Variants in QTMAN observed in about 807,000 individuals in gnomAD.
The protein encoded by QTMAN is queuosine-tRNA mannosyltransferase, also known as tRNA-queuosine alpha-mannosyltransferase.
the QTMAN span, among the ~76,000 whole-genome samples, chr2:144,318,490 CT>C: frequency 6.6e-6 from 1 of 152,154 alleles, no homozygotes; most frequent in African/African-American, 2.4e-5. Context: ...GAAAAAACAG[CT>C]TAAAAACCAT....
chr2:144,127,656 C>T, the QTMAN span, among the ~76,000 whole-genome samples: 2 of 151,880 alleles, frequency 1.3e-5, no homozygotes, highest in African/African-American at 4.8e-5. Context: ...TAGGTGTGAC[C>T]TTATACATGG....
At chr2:144,133,214 C>T in the QTMAN span, among the ~76,000 whole-genome samples, 61 of 54,296 alleles carry the variant, frequency 1.1e-3, no homozygotes, top group East Asian at 3.8e-3. Flanking sequence ...TTTATATATA[C>T]ATATATAAAT....
chr2:144,181,346 T>C, the QTMAN span, among the ~76,000 whole-genome samples: 2 of 152,178 alleles, frequency 1.3e-5, no homozygotes, highest in Admixed American at 6.5e-5. Context: ...CATCTAAAAA[T>C]ACAATTTAGT....
the QTMAN span, among the ~76,000 whole-genome samples, chr2:144,263,895 G>A: frequency 2.0e-5 from 3 of 152,030 alleles, no homozygotes; most frequent in Non-Finnish European, 4.4e-5. Flanking sequence ...GCTACCTAGA[G>A]AGAAAAGAGA....
At chr2:144,043,541 G>A in the QTMAN span, among the ~76,000 whole-genome samples, 2 of 151,716 alleles carry the variant, frequency 1.3e-5, no homozygotes, top group Non-Finnish European at 2.9e-5. Flanking sequence ...GGCTGAGGCA[G>A]AGAATTCCTT....
chr2:143,986,034 T>C, the QTMAN span, among the ~76,000 whole-genome samples: 4 of 152,328 alleles, frequency 2.6e-5, no homozygotes, highest in East Asian at 5.8e-4. Flanking sequence ...TGTTTTCATC[T>C]GCTAATTGGG....
chr2:144,050,911 G>T, the QTMAN span, among the ~76,000 whole-genome samples: 4 of 151,980 alleles, frequency 2.6e-5, no homozygotes, highest in South Asian at 2.1e-4. Flanking sequence ...GAATATTTTT[G>T]ATCTGTAGTT....
the QTMAN span, among the ~76,000 whole-genome samples, chr2:144,175,733 C>T: frequency 6.6e-6 from 1 of 152,042 alleles, no homozygotes; most frequent in Admixed American, 6.6e-5. Flanking sequence ...GCAGTGATCT[C>T]GGCTCACTGC....
chr2:144,252,375 T>C, the QTMAN span, among the ~76,000 whole-genome samples: 49 of 152,214 alleles, frequency 3.2e-4, no homozygotes, highest in Admixed American at 1.6e-3. Context: ...CAAGACCCTG[T>C]GTCTTTTAAA....
chr2:144,109,867 T>C, the QTMAN span, among the ~76,000 whole-genome samples: 6 of 152,108 alleles, frequency 3.9e-5, no homozygotes, highest in East Asian at 1.9e-4. Flanking sequence ...GTTAGAATGG[T>C]GATCATTAAA....
At chr2:144,077,802 T>C in the QTMAN span, among the ~76,000 whole-genome samples, 12 of 152,214 alleles carry the variant, frequency 7.9e-5, no homozygotes, top group African/African-American at 2.9e-4. Flanking sequence ...ATTATTTTAA[T>C]TTTTACAACC....
chr2:144,293,542 G>T, the QTMAN span, among the ~76,000 whole-genome samples: 5 of 152,094 alleles, frequency 3.3e-5, no homozygotes, highest in African/African-American at 1.2e-4. Context: ...GGATAGATTT[G>T]AACATAACTC....
the QTMAN span, among the ~76,000 whole-genome samples, chr2:144,129,871 G>C: frequency 1.3e-5 from 2 of 151,818 alleles, no homozygotes; most frequent in Non-Finnish European, 2.9e-5. Flanking sequence ...TTTATAACTA[G>C]TTTCATGAGA....
At chr2:144,277,387 T>C in the QTMAN span, among the ~76,000 whole-genome samples, 1 of 152,250 alleles carries the variant, frequency 6.6e-6, no homozygotes, top group Admixed American at 6.5e-5. Flanking sequence ...ATATAAATTA[T>C]TTACATTTAC....
the QTMAN span, among the ~76,000 whole-genome samples, chr2:144,218,646 T>C: frequency 6.6e-6 from 1 of 152,174 alleles, no homozygotes; most frequent in African/African-American, 2.4e-5. Context: ...ACAAAAGTTA[T>C]TGAGAAGTTT....
chr2:144,151,767 T>G, the QTMAN span, among the ~76,000 whole-genome samples: 1 of 152,234 alleles, frequency 6.6e-6, no homozygotes, highest in African/African-American at 2.4e-5. Flanking sequence ...ATTTTTTAAT[T>G]CATAAAACTT....
chr2:144,314,073 G>A, the QTMAN span, among the ~76,000 whole-genome samples: 87 of 152,002 alleles, frequency 5.7e-4, 1 homozygote, highest in African/African-American at 1.2e-4. Flanking sequence ...TGGAATACAT[G>A]TTCATAAAAT....
the QTMAN span, chr2:144,142,124 G>C: frequency 9.5e-7 from 1 of 1,048,548 alleles, no homozygotes; most frequent in East Asian, 2.4e-5. Context: ...ATCAACCTAA[G>C]ACCTCTATGG....
chr2:144,223,982 G>A, the QTMAN span, among the ~76,000 whole-genome samples: 1 of 152,084 alleles, frequency 6.6e-6, no homozygotes, highest in Non-Finnish European at 1.5e-5. Flanking sequence ...TTATTTTCTT[G>A]TAAAACCATC....
Sources: gnomAD v4.1 joint callset for allele counts (sites outside exome capture counted in the v4.1 genomes callset) on GRCh38, gnomAD v4.1.1 for gene constraint, MANE v1.5 for transcripts, NCBI Gene and HGNC (gene_info 2026-07-23, HGNC 2026-07-21) for gene names.